INPP4A: variants seen among roughly 807,000 people sequenced by gnomAD.
The protein encoded by INPP4A is inositol polyphosphate-4-phosphatase, type I, 107kD.
A neutral mutation model predicts 119.8 loss-of-function variants in INPP4A; 33 were observed. The observed-to-expected ratio is 0.28, with a 90% confidence interval of 0.21 to 0.37. The LOEUF is 0.37. INPP4A is among the 10% of genes least tolerant of loss of function. The pLI is 1.00. For synonymous variants in INPP4A, 496 were observed against 500.7 expected, an observed-to-expected ratio of 0.99 and a Z score of 0.12; for missense variants, 956 against 1,289.9, an observed-to-expected ratio of 0.74 and a Z score of 3.97.
chr2:98,574,042 A>C (rs897105513), intron 23 of INPP4A, among the ~76,000 whole-genome samples: 1 of 152,156 alleles, frequency 6.6e-6, no homozygotes, highest in Non-Finnish European at 1.5e-5. Context: ...ATTATAACAG[A>C]ACACATTTTG....
At chr2:98,555,353 G>T (rs778189598) in intron 15 of INPP4A, among the ~76,000 whole-genome samples, 200 bp from the exon 16 acceptor site, 1 of 152,216 alleles carries the variant, frequency 6.6e-6, no homozygotes, top group African/African-American at 2.4e-5. Context: ...AACAATGGCC[G>T]CAGGACATCG....
At chr2:98,463,624 C>A (rs1674075995) in intron 1 of INPP4A, among the ~76,000 whole-genome samples, 1 of 152,258 alleles carries the variant, frequency 6.6e-6, no homozygotes. Flanking sequence ...AGGTAGTTTT[C>A]AGGCACAAAG....
intron 1 of INPP4A, among the ~76,000 whole-genome samples, chr2:98,495,851 G>C (rs952586510): frequency 6.6e-6 from 1 of 152,182 alleles, no homozygotes. Flanking sequence ...CCCGGGTCAG[G>C]AAAAAGACCT....
intron 24 of INPP4A, among the ~76,000 whole-genome samples, chr2:98,580,591 G>A (rs181137986): frequency 1.2e-3 from 178 of 152,334 alleles, no homozygotes; most frequent in Non-Finnish European, 1.5e-3. Context: ...GCAGTGGGTC[G>A]GTGCTCCGCA....
intron 10 of INPP4A, among the ~76,000 whole-genome samples, chr2:98,542,089 G>GA (rs1415904330): frequency 6.6e-6 from 1 of 152,252 alleles, no homozygotes; most frequent in Non-Finnish European, 1.5e-5. Flanking sequence ...ACTGTGAGAA[G>GA]AAAGAGGGTG....
chr2:98,565,672 C>T lies in INPP4A; in HGVS notation c.2185C>T (p.Leu729Phe), dbSNP rs766270566. The change falls in exon 20 of 25, where the codon CTT (leucine) becomes TTT (phenylalanine). Residue 729 changes from leucine to phenylalanine, a missense_variant. Leu to Phe is a conservative substitution (Grantham distance 22). Transcript: ENST00000409851. Reference sequence around the variant, plus strand: ...GCTGGCAATGCTGGAGGACATGAGCCTTGGGATCATGGACTTGAGGAACGT... The same window carrying T: ...GCTGGCAATGCTGGAGGACATGAGCTTTGGGATCATGGACTTGAGGAACGT... Reference protein sequence around the residue: ...EELAMLEDMSLGIMDLRNVTF... With the variant: ...EELAMLEDMSFGIMDLRNVTF... 1 of 1,612,994 alleles carries T rather than the reference C, an allele frequency of 6.2e-7. No homozygotes were observed. Among genetic ancestry groups the T allele is most frequent in the South Asian group, 1.1e-5 (1 of 91,026 alleles).
intron 1 of INPP4A, among the ~76,000 whole-genome samples, chr2:98,506,930 A>T (rs148092670): frequency 6.6e-6 from 1 of 152,260 alleles, no homozygotes; most frequent in Admixed American, 6.5e-5. Flanking sequence ...GTTTCCTGAA[A>T]CAATCTTGAT....
intron 24 of INPP4A, chr2:98,581,453 T>G: frequency 1.0e-6 from 1 of 988,790 alleles, no homozygotes; most frequent in Non-Finnish European, 1.4e-6. Context: ...AACCTTATCT[T>G]TTGTTTCTCT....
intron 1 of INPP4A, among the ~76,000 whole-genome samples, chr2:98,487,470 A>G (rs1679791799): frequency 1.3e-5 from 2 of 152,148 alleles, no homozygotes; most frequent in Middle Eastern, 3.2e-3. Flanking sequence ...GGACTCAAGC[A>G]ATTAGCCTGC....
In INPP4A at chr2:98,536,145, C is replaced by G; in HGVS notation, c.404C>G (p.Ser135Cys). ...RSQGTMYLLG[S>C]GTFIVKDLLQ... ...CTTCCTCAGATGTATTTACTGGGCT[C>G]TGGAACGTTCATTGTCAAAGATCTG... The change falls in exon 7 of 25, where the codon TCT becomes TGT. Residue 135 changes from serine to cysteine, a missense_variant. By Grantham distance (112) the Ser-to-Cys change is moderately radical. This residue lies in a region of INPP4A where 652 missense variants were observed against 797.9 expected (regional missense o/e 0.82). Coordinates refer to ENST00000409851, the MANE Select transcript of INPP4A (RefSeq NM_001134225.2). 1 of 1,610,852 alleles carries G rather than the reference C, an allele frequency of 6.2e-7. No homozygotes were observed.
intron 1 of INPP4A, among the ~76,000 whole-genome samples, chr2:98,472,989 T>G (rs1295256013): frequency 1.3e-4 from 16 of 127,736 alleles, no homozygotes; most frequent in East Asian, 4.8e-4. Context: ...GGGTGCAGTG[T>G]AGAGTGAGGA....
In INPP4A at chr2:98,566,653, A is replaced by G. The variant is rs576881105; in HGVS notation, c.2420+484A>G. Among the ~76,000 whole-genome samples, 34 of 152,246 alleles carry G rather than the reference A, an allele frequency of 2.2e-4. No individual in the cohort carries two copies. The East Asian group carries it at 6.4e-3, about 29-fold the overall frequency. On this transcript the variant is annotated intron_variant, in intron 21 of 24. Transcript: ENST00000409851. The surrounding 1 kb of genome is among the most constrained non-coding windows in gnomAD (Gnocchi z 4.2). ...GGCAGGGATTGGCAGGTAAGGGTAG[A>G]CAGGCTCTGTGTGCCAGGCTGAGAC...
chr2:98,516,843 C>T (rs1686221709), intron 1 of INPP4A, among the ~76,000 whole-genome samples: 1 of 152,170 alleles, frequency 6.6e-6, no homozygotes, highest in South Asian at 2.1e-4. Flanking sequence ...GATGCAGCCG[C>T]CTGCTGGCTG....
chr2:98,543,587 G>A (rs1691931595), intron 10 of INPP4A, among the ~76,000 whole-genome samples: 1 of 152,182 alleles, frequency 6.6e-6, no homozygotes, highest in Admixed American at 6.5e-5. Flanking sequence ...CTAGCAGCCT[G>A]TCTTCTTCTC....
chr2:98,591,775 A>G lies in INPP4A; in HGVS notation c.*4167A>G, dbSNP rs989178991. The G allele has an allele frequency of 6.6e-6, 1 of 152,224 alleles. No homozygotes were observed. Among genetic ancestry groups the G allele is most frequent in the Non-Finnish European group, 1.5e-5 (1 of 68,062 alleles). 9.4% of individuals were successfully genotyped at this position (152,224 alleles called of 1,614,324 possible). A position where few individuals can be genotyped will look rare whatever the true frequency, so the allele number is the denominator to read the frequency against. On this transcript the variant is annotated 3_prime_UTR_variant, in exon 25 of 25. Coordinates refer to ENST00000409851, the MANE Select transcript of INPP4A (RefSeq NM_001134225.2). ...TTTCCAAGAACAGAAATGATTAGCC[A>G]TGTGGGGAGGTTACTTCATTGTACA...
At chr2:98,536,315 A>G in intron 7 of INPP4A, 107 bp downstream of exon 7, 2 of 713,836 alleles carry the variant, frequency 2.8e-6, no homozygotes, top group Non-Finnish European at 5.0e-6. Flanking sequence ...TTCCCTTCCC[A>G]GAAGCCAGTC....
In INPP4A at chr2:98,546,077, C is replaced by G; in HGVS notation, c.1054+4C>G. ...GTTCAAGACGATGGAGGATCAGGTACCTATTTTTCTGCTCCCTCTTGTTGA... is the reference window on the plus strand; with the variant it reads ...GTTCAAGACGATGGAGGATCAGGTAGCTATTTTTCTGCTCCCTCTTGTTGA... On this transcript the variant is annotated splice_donor_region_variant and intron_variant, in intron 12 of 24. Transcript: ENST00000409851. The surrounding 1 kb of genome is among the most constrained non-coding windows in gnomAD (Gnocchi z 4.2). 6.4e-7 allele frequency: 1 copy of G among 1,555,460 alleles called. No individual in the cohort carries two copies. Among genetic ancestry groups the G allele is most frequent in the East Asian group, 2.4e-5 (1 of 42,482 alleles).
chr2:98,465,835 G>C (rs376003793), intron 1 of INPP4A, among the ~76,000 whole-genome samples: 1 of 152,008 alleles, frequency 6.6e-6, no homozygotes, highest in Admixed American at 6.6e-5. Context: ...TTTTCCTCCC[G>C]GCTCCACCCT....
In INPP4A at chr2:98,554,228, C is replaced by T; in HGVS notation, c.1348-43C>T. ...GAGATAAGGCAGGGGCCTCCCCAGC[C>T]CCTGGCCTGGGCTCAGCAGCCTTGG... On this transcript the variant is annotated intron_variant, in intron 14 of 24. Transcript: ENST00000409851. This position sits in a 1 kb window ranked among gnomAD's most constrained non-coding sequence, Gnocchi z 4.7. 1 of 1,504,302 alleles carries T rather than the reference C, an allele frequency of 6.6e-7. No homozygotes were observed. The highest frequency in any genetic ancestry group is 9.0e-7 in the Non-Finnish European group (1 of 1,105,750). 93.2% of individuals were successfully genotyped at this position (1,504,302 alleles called of 1,614,324 possible).
Sources: allele counts gnomAD v4.1 joint callset (sites outside exome capture counted in the v4.1 genomes callset), GRCh38; gene constraint gnomAD v4.1.1; regional missense constraint gnomAD v4.1.1; non-coding constraint Gnocchi (gnomAD v3.1); transcripts MANE v1.5; gene names NCBI Gene and HGNC (gene_info 2026-07-23, HGNC 2026-07-21).